The following VPS50 variants were observed in gnomAD, a reference collection of about 807,000 sequenced individuals.
VPS50 encodes syndetin.
In VPS50, 70 loss-of-function variants were observed where a neutral mutation model predicts 139.7. That is an observed-to-expected ratio of 0.50 (90% CI 0.41 to 0.61). The LOEUF is 0.61. Ranked by LOEUF, VPS50 falls within the 20% of genes least tolerant of loss-of-function variation. VPS50 has a pLI of 0.00. For synonymous variants in VPS50, 365 were observed against 376.7 expected (o/e 0.97, Z 0.36); for missense variants, 921 against 1,133.7 (o/e 0.81, Z 2.69).
At chr7:93,329,858 A>C (rs1409674645) in intron 21 of VPS50, among the ~76,000 whole-genome samples, 1 of 152,184 alleles carries the variant, frequency 6.6e-6, no homozygotes, top group Non-Finnish European at 1.5e-5. Flanking sequence ...GAACAAAAAT[A>C]CTAAGAGAAT....
chr7:93,345,859 A>G (rs1389896543), intron 23 of VPS50, among the ~76,000 whole-genome samples: 1 of 152,192 alleles, frequency 6.6e-6, no homozygotes, highest in Non-Finnish European at 1.5e-5. Flanking sequence ...TGACAAACCC[A>G]CAGCCAATAT....
chr7:93,271,010 C>T, intron 9 of VPS50: 1 of 605,418 alleles, frequency 1.7e-6, no homozygotes, highest in Admixed American at 4.9e-5. Flanking sequence ...TCTTTCTACT[C>T]ACGCAATCCT....
intron 1 of VPS50, among the ~76,000 whole-genome samples, chr7:93,237,472 G>A (rs980582933): frequency 6.6e-6 from 1 of 152,110 alleles, no homozygotes; most frequent in Non-Finnish European, 1.5e-5. Context: ...GCAGAAATTT[G>A]CCGTGTATTG....
At chr7:93,307,504 G>A (rs1797150584) in intron 18 of VPS50, among the ~76,000 whole-genome samples, 1 of 151,876 alleles carries the variant, frequency 6.6e-6, no homozygotes, top group African/African-American at 2.4e-5. Context: ...ATTCAGCTGG[G>A]AACATGCATG....
chr7:93,261,745 A>C (rs1795690777), intron 9 of VPS50, among the ~76,000 whole-genome samples: 1 of 151,830 alleles, frequency 6.6e-6, no homozygotes, highest in African/African-American at 2.4e-5. Flanking sequence ...CAGTGGAAGC[A>C]TTCGGATCTA....
intron 2 of VPS50, among the ~76,000 whole-genome samples, chr7:93,241,999 G>A (rs927475816): frequency 2.0e-5 from 3 of 151,722 alleles, no homozygotes; most frequent in African/African-American, 7.3e-5. Context: ...TAATTCAAAT[G>A]ATTATTTTGA....
Position 93,296,784 on chromosome 7 carries a change from T to C in VPS50, c.1210T>C (p.Leu404=), listed in dbSNP as rs1340603410. 1 of 1,606,210 alleles carries C rather than the reference T, an allele frequency of 6.2e-7. No individual in the cohort carries two copies. Among genetic ancestry groups the C allele is most frequent in the Non-Finnish European group, 8.5e-7 (1 of 1,178,508 alleles). Reference sequence around the variant, plus strand: ...AAAAACCTACTTGCTTGGAACTGATTTGTCTATATTCAAATATGATGATTT... The same window carrying C: ...AAAAACCTACTTGCTTGGAACTGATCTGTCTATATTCAAATATGATGATTT... ...KVKTYLLGTD[L]SIFKYDDFIF... is the part of the protein sequence containing the mutation. The change falls in exon 15 of 28, where the codon TTG becomes CTG. Residue 404 remains leucine, a synonymous_variant. Coordinates refer to ENST00000305866, the MANE Select transcript of VPS50 (RefSeq NM_017667.4).
intron 9 of VPS50, among the ~76,000 whole-genome samples, chr7:93,261,689 A>G (rs1264400984): frequency 6.6e-6 from 1 of 151,468 alleles, no homozygotes; most frequent in African/African-American, 2.4e-5. Context: ...AAAAAAAAAA[A>G]AAAAAAAAAA....
chr7:93,241,316 C>T (rs1562845371), intron 2 of VPS50, among the ~76,000 whole-genome samples: 2 of 152,058 alleles, frequency 1.3e-5, no homozygotes, highest in South Asian at 4.1e-4. Context: ...CCATCAGTGA[C>T]CAGTGCTGTC....
At chr7:93,247,338 G>A (rs938452500) in intron 2 of VPS50, among the ~76,000 whole-genome samples, 7 of 151,978 alleles carry the variant, frequency 4.6e-5, no homozygotes, top group Non-Finnish European at 7.4e-5. Flanking sequence ...ACAAATCTCA[G>A]TTGTTGCATT....
At chr7:93,259,856 C>G (rs546893005) in intron 9 of VPS50, among the ~76,000 whole-genome samples, 1 of 152,212 alleles carries the variant, frequency 6.6e-6, no homozygotes, top group Admixed American at 6.5e-5. Flanking sequence ...CTCATTGAAA[C>G]TCATTTTTCA....
At chr7:93,280,967 G>GA (rs952264794) in intron 12 of VPS50, among the ~76,000 whole-genome samples, 1 of 151,860 alleles carries the variant, frequency 6.6e-6, no homozygotes, top group South Asian at 2.1e-4. Context: ...GTTTCTGTTA[G>GA]AAAAAACTTT....
At position 93,353,766 on chromosome 7, in the gene VPS50, G is replaced by A. The variant is rs1298796901; in HGVS notation, c.2585+5G>A. On this transcript the variant is annotated splice_donor_5th_base_variant and intron_variant, in intron 26 of 27. Transcript: ENST00000305866. The stretch of plus-strand genomic sequence containing the variant: ...TAATCGAACTATTGTAGAAGGGTAA[G>A]TTTTTCATGAAAGCATTATTTGTTT... 1 of 1,595,764 alleles carries A rather than the reference G, an allele frequency of 6.3e-7. No individual in the cohort carries two copies. Among genetic ancestry groups the A allele is most frequent in the Non-Finnish European group, 8.5e-7 (1 of 1,171,128 alleles).
chr7:93,245,287 G>A (rs543823362), intron 2 of VPS50, among the ~76,000 whole-genome samples: 1 of 151,648 alleles, frequency 6.6e-6, no homozygotes, highest in African/African-American at 2.4e-5. Flanking sequence ...AATGGAGAAG[G>A]GTTGCATTGG....
chr7:93,288,151 A>G (rs1405800981), intron 12 of VPS50, among the ~76,000 whole-genome samples: 3 of 152,136 alleles, frequency 2.0e-5, no homozygotes, highest in African/African-American at 4.8e-5. Flanking sequence ...TCATGAGAAC[A>G]GTATGGGGAA....
chr7:93,314,068 A>G (rs1396451520), intron 20 of VPS50, among the ~76,000 whole-genome samples: 1 of 152,174 alleles, frequency 6.6e-6, no homozygotes, highest in African/African-American at 2.4e-5. Context: ...CCACTGTCTC[A>G]GAGGCCTCTG....
chr7:93,297,031 T>C (rs553840069), intron 15 of VPS50, 114 bp from the exon 16 acceptor site: 16 of 1,460,028 alleles, frequency 1.1e-5, no homozygotes, highest in Non-Finnish European at 1.4e-5. Flanking sequence ...TTTAGAATTT[T>C]TTCACATGTC....
At chr7:93,324,997 A>G (rs1358742631) in intron 21 of VPS50, among the ~76,000 whole-genome samples, 8 of 151,708 alleles carry the variant, frequency 5.3e-5, no homozygotes, top group East Asian at 1.9e-4. Flanking sequence ...AGTCAATCCT[A>G]AGCCAAAAGA....
intron 13 of VPS50, 109 bp from the exon 14 acceptor site, chr7:93,294,436 A>T: frequency 2.2e-6 from 2 of 907,210 alleles, no homozygotes; most frequent in East Asian, 2.9e-5. Flanking sequence ...AAACATATTT[A>T]CTGTATCTTA....
Sources: allele counts gnomAD v4.1 joint callset (sites outside exome capture counted in the v4.1 genomes callset), GRCh38; gene constraint gnomAD v4.1.1; transcripts MANE v1.5; gene names NCBI Gene and HGNC (gene_info 2026-07-23, HGNC 2026-07-21).